Variants in LEF1 observed in about 807,000 individuals in gnomAD.
LEF1 encodes the protein lymphoid enhancer-binding factor 1.
Under a neutral mutation model 51.2 loss-of-function variants are expected in LEF1, and 14 were observed. The observed-to-expected ratio is 0.27, with a 90% CI of 0.18 to 0.43. The LOEUF (loss-of-function observed/expected upper bound fraction) is 0.43. LEF1 is among the 20% of genes least tolerant of loss of function. The pLI is 1.00. For synonymous variants in LEF1, 185 were observed against 183.2 expected (o/e 1.01, Z -0.08); for missense variants, 386 against 512.0 (o/e 0.75, Z 2.37).
chr4:108,090,575 TTTA>T (rs1320981325), intron 3 of LEF1, among the ~76,000 whole-genome samples: 2 of 152,168 alleles, frequency 1.3e-5, no homozygotes, highest in African/African-American at 4.8e-5. Flanking sequence ...TTATTTATTT[TTTA>T]TTGATATGGC....
intron 3 of LEF1, among the ~76,000 whole-genome samples, chr4:108,116,888 C>T (rs771910661): frequency 5.3e-5 from 8 of 152,152 alleles, no homozygotes; most frequent in Non-Finnish European, 7.3e-5. Flanking sequence ...GTGCTGGGCA[C>T]ATCATAAGCA....
intron 3 of LEF1, among the ~76,000 whole-genome samples, chr4:108,129,790 A>T (rs1321727473): frequency 6.6e-6 from 1 of 152,232 alleles, no homozygotes; most frequent in Non-Finnish European, 1.5e-5. Flanking sequence ...TGTTAGTAAA[A>T]GGTGGCTGCA....
At chr4:108,096,515 G>A (rs774033819) in intron 3 of LEF1, among the ~76,000 whole-genome samples, 4 of 152,192 alleles carry the variant, frequency 2.6e-5, no homozygotes, top group Non-Finnish European at 4.4e-5. Flanking sequence ...GTATGCACAG[G>A]GGAGGACAGG....
intron 7 of LEF1, among the ~76,000 whole-genome samples, chr4:108,079,172 T>C (rs976737540): frequency 6.6e-6 from 1 of 152,176 alleles, no homozygotes; most frequent in African/African-American, 2.4e-5. Flanking sequence ...TTCTCCCCAA[T>C]AATCTGAACC....
chr4:108,096,994 A>G (rs1268853379), intron 3 of LEF1, among the ~76,000 whole-genome samples: 1 of 152,202 alleles, frequency 6.6e-6, no homozygotes, highest in Non-Finnish European at 1.5e-5. Context: ...TGCTGGTGGA[A>G]ATGTAAATTA....
chr4:108,088,415 T>C (rs959378203), intron 4 of LEF1, among the ~76,000 whole-genome samples: 1 of 152,200 alleles, frequency 6.6e-6, no homozygotes, highest in Non-Finnish European at 1.5e-5. Context: ...TGAGAGCAAA[T>C]CCATCCTTGA....
chr4:108,051,922 G>C lies in LEF1; in HGVS notation c.*7-3171C>G, dbSNP rs186945469. Among the ~76,000 whole-genome samples the C allele has an allele frequency of 8.1e-4, 124 of 152,256 alleles. 1 individual carries two copies. Among genetic ancestry groups the C allele is most frequent in the Admixed American group, 6.5e-3 (99 of 15,296 alleles). ...CAACAGCACCGACCCTGGGCCAATA[G>C]GGCTTTACAGACCCTGACTCAGGAG... On this transcript the variant is annotated intron_variant, in intron 11 of 11. Coordinates refer to ENST00000265165, the MANE Select transcript of LEF1 (RefSeq NM_016269.5).
chr4:108,051,170 C>T (rs1162880598), intron 11 of LEF1, among the ~76,000 whole-genome samples: 2 of 152,116 alleles, frequency 1.3e-5, no homozygotes, highest in Non-Finnish European at 2.9e-5. Context: ...CATGGGGTCA[C>T]CTTGCAAATT....
intron 8 of LEF1, among the ~76,000 whole-genome samples, chr4:108,072,568 C>T (rs1451260695): frequency 6.6e-6 from 1 of 152,152 alleles, no homozygotes; most frequent in African/African-American, 2.4e-5. Flanking sequence ...AAAAGCATGA[C>T]ACACAGCAGG....
chr4:108,167,809 G>C lies in LEF1; in HGVS notation c.-42C>G. On this transcript the variant is annotated 5_prime_UTR_variant, in exon 1 of 12. Transcript: ENST00000265165. This position sits in a 1 kb window ranked among gnomAD's most constrained non-coding sequence, Gnocchi z 5.7. ...TCTCCGCTCCGCTGTGGGAGCACCC[G>C]CGCAACAGCAGGAAAGACAGAGGGG... The C allele has an allele frequency of 6.4e-7, 1 of 1,559,428 alleles. No individual in the cohort carries two copies. The highest frequency in any genetic ancestry group is 8.8e-7 in the Non-Finnish European group (1 of 1,140,234).
intron 3 of LEF1, among the ~76,000 whole-genome samples, chr4:108,104,183 G>A (rs962237853): frequency 2.0e-5 from 3 of 151,962 alleles, no homozygotes; most frequent in Admixed American, 2.0e-4. Flanking sequence ...ATATGTATAT[G>A]TATATGAAAT....
Position 108,077,394 on chromosome 4 carries a change from A to G in LEF1, c.1008+826T>C, listed in dbSNP as rs13142164. On this transcript the variant is annotated intron_variant, in intron 8 of 11. Transcript: ENST00000265165. ...CCGCCCTGTCTGGGAGGTGAGGGGC[A>G]CCTCTGCCCGGCTGCCGCCCCGTCT... Among the ~76,000 whole-genome samples, 791 of 88,366 alleles carry G rather than the reference A, an allele frequency of 9.0e-3. 4 individuals carry two copies. The highest frequency in any genetic ancestry group is 0.02 in the Middle Eastern group (2 of 98). The allele number at this position is 88,366 out of a possible 152,430, so 58.0% of individuals were successfully genotyped here.
chr4:108,048,912 A>G (rs1736795284), intron 11 of LEF1, 161 bp from the exon 12 acceptor site: 1 of 464,946 alleles, frequency 2.2e-6, no homozygotes, highest in Admixed American at 3.9e-5. Context: ...TCAGTCAAAA[A>G]TCCTGAGAGT....
chr4:108,083,758 A>G (rs1739467224), intron 4 of LEF1, among the ~76,000 whole-genome samples: 1 of 152,202 alleles, frequency 6.6e-6, no homozygotes, highest in East Asian at 1.9e-4. Flanking sequence ...AGAAAATGGT[A>G]GACAATTGTT....
intron 11 of LEF1, among the ~76,000 whole-genome samples, chr4:108,056,956 G>A (rs1348733464): frequency 6.6e-6 from 1 of 151,208 alleles, no homozygotes; most frequent in East Asian, 2.0e-4. Flanking sequence ...ACAGTGCTGA[G>A]CAGGGTGCAG....
chr4:108,073,128 A>C (rs576525068), intron 8 of LEF1, among the ~76,000 whole-genome samples: 1 of 152,290 alleles, frequency 6.6e-6, no homozygotes, highest in South Asian at 2.1e-4. Flanking sequence ...GCTCATGCCT[A>C]TAATCCCAGC....
At chr4:108,054,991 T>C (rs1244671741) in intron 11 of LEF1, among the ~76,000 whole-genome samples, 1 of 152,190 alleles carries the variant, frequency 6.6e-6, no homozygotes, top group Non-Finnish European at 1.5e-5. Context: ...GTAGCTTCAT[T>C]TATGAAGAAC....
intron 5 of LEF1, chr4:108,083,132 C>T (rs578178577): frequency 2.6e-5 from 14 of 547,650 alleles, no homozygotes; most frequent in South Asian, 2.5e-4. Context: ...AAAGCAAATG[C>T]TACAGTCATT....
At chr4:108,096,362 G>A (rs1374722121) in intron 3 of LEF1, among the ~76,000 whole-genome samples, 2 of 152,224 alleles carry the variant, frequency 1.3e-5, no homozygotes, top group Non-Finnish European at 2.9e-5. Context: ...AAACTTTGCA[G>A]TGGAAGGACG....
Sources: allele counts gnomAD v4.1 joint callset (sites outside exome capture counted in the v4.1 genomes callset), GRCh38; gene constraint gnomAD v4.1.1; non-coding constraint Gnocchi (gnomAD v3.1); transcripts MANE v1.5; gene names NCBI Gene and HGNC (gene_info 2026-07-23, HGNC 2026-07-21).